Variants in PALLD observed in about 807,000 individuals in gnomAD.
The protein encoded by PALLD is palladin, cytoskeletal associated protein.
A neutral mutation model predicts 123.5 loss-of-function variants in PALLD; 61 were observed. The ratio of observed to expected loss-of-function variants is 0.49; its 90% CI spans 0.40 to 0.61. The LOEUF is 0.61. Ranked by LOEUF, PALLD falls within the 20% of genes least tolerant of loss-of-function variation. The probability of loss-of-function intolerance (pLI) is 0.00; values close to 1 mark genes in which losing one functional copy is unlikely to be tolerated. For missense variants in PALLD, 1,273 were observed against 1,377.0 expected (o/e 0.92, Z 1.20); for synonymous variants, 465 against 496.4 (o/e 0.94, Z 0.84).
chr4:168,696,686 A>AG (rs1180997331), intron 8 of PALLD, among the ~76,000 whole-genome samples: 3 of 147,126 alleles, frequency 2.0e-5, no homozygotes, highest in Non-Finnish European at 4.5e-5. Flanking sequence ...ATGAAAAGCT[A>AG]GAAAAAAAAA....
At chr4:168,665,579 A>C (rs4487308) in intron 2 of PALLD, among the ~76,000 whole-genome samples, 19,927 of 152,196 alleles carry the variant, frequency 0.13, 1,408 homozygotes, top group African/African-American at 0.18. Context: ...AAACAAAAAA[A>C]ATGGTTGCTA....
At chr4:168,616,977 G>C (rs1444549615) in intron 2 of PALLD, among the ~76,000 whole-genome samples, 1 of 152,180 alleles carries the variant, frequency 6.6e-6, no homozygotes, top group Non-Finnish European at 1.5e-5. Context: ...GGCCACCATG[G>C]AGATGCAAGC....
intron 10 of PALLD, among the ~76,000 whole-genome samples, chr4:168,713,401 C>T (rs943869126): frequency 2.0e-5 from 3 of 152,214 alleles, no homozygotes; most frequent in African/African-American, 7.2e-5. Flanking sequence ...AAACAAGGGA[C>T]CTGCTCTCCA....
chr4:168,879,850 C>A (rs1752369057), intron 10 of PALLD, among the ~76,000 whole-genome samples: 1 of 152,174 alleles, frequency 6.6e-6, no homozygotes, highest in Non-Finnish European at 1.5e-5. Flanking sequence ...GAACCTTTGT[C>A]CTTCTCCCTT....
At chr4:168,822,457 T>G (rs1742862586) in intron 10 of PALLD, among the ~76,000 whole-genome samples, 1 of 152,178 alleles carries the variant, frequency 6.6e-6, no homozygotes. Flanking sequence ...AAGGAGAGAC[T>G]GGGTGACCCA....
At chr4:168,867,295 C>A (rs183403828) in intron 10 of PALLD, among the ~76,000 whole-genome samples, 2 of 152,164 alleles carry the variant, frequency 1.3e-5, no homozygotes, top group Admixed American at 1.3e-4. Flanking sequence ...GCTGTTGGTG[C>A]TGGCAGTAGT....
chr4:168,547,188 C>T (rs1213376899), intron 2 of PALLD, among the ~76,000 whole-genome samples: 1 of 152,132 alleles, frequency 6.6e-6, no homozygotes, highest in Admixed American at 6.5e-5. Context: ...CCTGGACCGT[C>T]GCCCCACACG....
intron 10 of PALLD, among the ~76,000 whole-genome samples, chr4:168,782,746 T>TA (rs111654941): frequency 0.033 from 4,794 of 145,178 alleles, 195 homozygotes; most frequent in African/African-American, 0.096. Flanking sequence ...CTGTCTTTAC[T>TA]AAAAAAAAAA....
intron 10 of PALLD, among the ~76,000 whole-genome samples, chr4:168,737,800 AC>A (rs1787909476): frequency 6.6e-6 from 1 of 152,128 alleles, no homozygotes; most frequent in African/African-American, 2.4e-5. Flanking sequence ...CATACCTCTA[AC>A]CCTTCCAAAG....
At chr4:168,636,045 AT>A (rs1776316867) in intron 2 of PALLD, among the ~76,000 whole-genome samples, 1 of 152,210 alleles carries the variant, frequency 6.6e-6, no homozygotes, top group African/African-American at 2.4e-5. Context: ...CAAATATGAC[AT>A]GTGATCATCA....
Position 168,546,612 on chromosome 4 carries a change from T to C in PALLD, c.908+34200T>C, listed in dbSNP as rs552302986. 5.8e-4 allele frequency among the ~76,000 whole-genome samples: 88 copies of C among 152,202 alleles called. 3 individuals carry two copies. The South Asian group carries it at 0.012, about 21-fold the overall frequency. ...TGAAAATTCATAGACATCCTGCAGG[T>C]CTTTAAACTTTCCATAGGTGCCGAA... is the stretch of plus-strand genomic sequence containing the variant. On this transcript the variant is annotated intron_variant, in intron 2 of 21. Transcript: ENST00000505667.
intron 10 of PALLD, among the ~76,000 whole-genome samples, chr4:168,776,593 G>C (rs541468130): frequency 7.2e-5 from 11 of 152,300 alleles, no homozygotes; most frequent in Admixed American, 2.6e-4. Flanking sequence ...TAGGGAGAAA[G>C]CATGCACCCT....
At chr4:168,764,814 G>A (rs1300393639) in intron 10 of PALLD, among the ~76,000 whole-genome samples, 2 of 151,960 alleles carry the variant, frequency 1.3e-5, no homozygotes, top group Non-Finnish European at 2.9e-5. Flanking sequence ...TGCTCCTTTG[G>A]TTCCCGCACC....
chr4:168,805,314 C>G (rs893939743), intron 10 of PALLD, among the ~76,000 whole-genome samples: 2 of 152,118 alleles, frequency 1.3e-5, no homozygotes. Flanking sequence ...TCTTAGTAAC[C>G]ATTCTCTTAA....
intron 10 of PALLD, among the ~76,000 whole-genome samples, chr4:168,887,776 T>C (rs573309389): frequency 6.6e-6 from 1 of 152,308 alleles, no homozygotes; most frequent in South Asian, 2.1e-4. Flanking sequence ...ACTTTTTACA[T>C]AGGGTCTGAT....
chr4:168,625,510 T>TATATATATATATATATAG (rs1775169660), intron 2 of PALLD, among the ~76,000 whole-genome samples: 1 of 65,096 alleles, frequency 1.5e-5, no homozygotes, highest in Non-Finnish European at 4.1e-5. Context: ...GAGATATATA[T>TATATATATATATATATAG]ATATATATCC....
intron 2 of PALLD, among the ~76,000 whole-genome samples, chr4:168,594,335 G>A (rs1169512720): frequency 6.6e-6 from 1 of 152,124 alleles, no homozygotes; most frequent in Admixed American, 6.5e-5. Flanking sequence ...CTTAGAATAA[G>A]CTTTACCTTA....
intron 2 of PALLD, among the ~76,000 whole-genome samples, chr4:168,615,654 A>C (rs1774157500): frequency 1.3e-5 from 2 of 152,300 alleles, no homozygotes; most frequent in South Asian, 4.1e-4. Flanking sequence ...CACCCATCTC[A>C]GAGGGGTCTG....
chr4:168,563,287 A>G (rs1436217290), intron 2 of PALLD, among the ~76,000 whole-genome samples: 1 of 152,198 alleles, frequency 6.6e-6, no homozygotes, highest in Non-Finnish European at 1.5e-5. Context: ...CTCGGGGGAA[A>G]GGGATCAGAA....
Sources: allele counts gnomAD v4.1 joint callset (sites outside exome capture counted in the v4.1 genomes callset), GRCh38; gene constraint gnomAD v4.1.1; transcripts MANE v1.5; gene names NCBI Gene and HGNC (gene_info 2026-07-23, HGNC 2026-07-21).